The following ADAM29 variants were observed in gnomAD, a reference collection of about 807,000 sequenced individuals.
The protein encoded by ADAM29 is disintegrin and metalloproteinase domain-containing protein 29.
For missense variants in ADAM29, 969 were observed against 1,001.8 expected (o/e 0.97, Z 0.44); for synonymous variants, 367 against 342.3 (o/e 1.07, Z -0.80).
At chr4:174,953,867 G>A (rs981228661) in intron 4 of ADAM29, among the ~76,000 whole-genome samples, 13 of 152,136 alleles carry the variant, frequency 8.5e-5, no homozygotes, top group African/African-American at 3.1e-4. Context: ...GCACCACCAT[G>A]CCCAGCTAAT....
intron 2 of ADAM29, among the ~76,000 whole-genome samples, chr4:174,927,354 A>G (rs1041417874): frequency 6.6e-6 from 1 of 152,178 alleles, no homozygotes; most frequent in Non-Finnish European, 1.5e-5. Flanking sequence ...ATTACTTTCA[A>G]TGGTAAAAAC....
intron 4 of ADAM29, among the ~76,000 whole-genome samples, chr4:174,960,571 C>G (rs1383062196): frequency 6.6e-6 from 1 of 151,966 alleles, no homozygotes; most frequent in Non-Finnish European, 1.5e-5. Context: ...GAGAAGGGAC[C>G]TAAGAATATT....
chr4:174,973,500 T>C (rs1157966020), intron 4 of ADAM29, among the ~76,000 whole-genome samples: 3 of 152,194 alleles, frequency 2.0e-5, no homozygotes, highest in African/African-American at 7.2e-5. Flanking sequence ...TGAAATATGT[T>C]CTGGGGAGTA....
At chr4:174,924,607 A>G (rs1743387578) in intron 2 of ADAM29, among the ~76,000 whole-genome samples, 1 of 152,252 alleles carries the variant, frequency 6.6e-6, no homozygotes, top group Admixed American at 6.5e-5. Context: ...ACATATCAAT[A>G]CAATGGATAC....
intron 2 of ADAM29, among the ~76,000 whole-genome samples, chr4:174,927,499 G>A (rs536947081): frequency 5.9e-5 from 9 of 152,128 alleles, no homozygotes; most frequent in East Asian, 3.9e-4. Context: ...TTTTCACCAC[G>A]TCAATTCTGT....
intron 4 of ADAM29, among the ~76,000 whole-genome samples, chr4:174,937,752 C>T (rs551379742): frequency 4.1e-4 from 62 of 152,106 alleles, no homozygotes; most frequent in African/African-American, 1.4e-3. Flanking sequence ...CGGATTGAAG[C>T]AGTTGCTATT....
At chr4:174,945,808 G>A (rs180760297) in intron 4 of ADAM29, among the ~76,000 whole-genome samples, 1 of 152,146 alleles carries the variant, frequency 6.6e-6, no homozygotes, top group African/African-American at 2.4e-5. Flanking sequence ...TTCTACATGT[G>A]TGGCTTTATT....
chr4:174,948,948 C>T (rs1000970100), intron 4 of ADAM29, among the ~76,000 whole-genome samples: 5 of 152,032 alleles, frequency 3.3e-5, no homozygotes, highest in South Asian at 2.1e-4. Flanking sequence ...GTAAGGGGGC[C>T]GTGAGTGAGT....
Position 174,976,930 on chromosome 4 carries a change from A to G in ADAM29, c.1405A>G (p.Asn469Asp). 1 of 1,614,134 alleles carries G rather than the reference A, an allele frequency of 6.2e-7. No individual in the cohort carries two copies. Among genetic ancestry groups the G allele is most frequent in the Non-Finnish European group, 8.5e-7 (1 of 1,180,014 alleles). ...VNECDLPEWCNGTSHKCPDDF... is the reference protein window; with the variant it reads ...VNECDLPEWCDGTSHKCPDDF... ...TGAATGTGATCTTCCAGAGTGGTGCAATGGTACTTCCCATAAGTGCCCAGA... is the reference window on the plus strand; with the variant it reads ...TGAATGTGATCTTCCAGAGTGGTGCGATGGTACTTCCCATAAGTGCCCAGA... Residue 469 changes from asparagine (N) to aspartate (D), a missense_variant, in exon 5 of 5, where the codon AAT becomes GAT. By Grantham distance (23) the Asn-to-Asp change is conservative. Coordinates refer to ENST00000359240, the MANE Select transcript of ADAM29 (RefSeq NM_014269.4).
At chr4:174,921,843 A>G (rs1443119792) in intron 2 of ADAM29, among the ~76,000 whole-genome samples, 1 of 152,184 alleles carries the variant, frequency 6.6e-6, no homozygotes, top group Non-Finnish European at 1.5e-5. Flanking sequence ...GTTAAATTTC[A>G]AAATTTCTTC....
chr4:174,953,624 A>G (rs1745316563), intron 4 of ADAM29, among the ~76,000 whole-genome samples: 1 of 152,220 alleles, frequency 6.6e-6, no homozygotes, highest in East Asian at 1.9e-4. Context: ...ATTACTTAGA[A>G]TATATTTTAA....
At chr4:174,956,527 AAAAG>A (rs1463535736) in intron 4 of ADAM29, among the ~76,000 whole-genome samples, 1 of 151,316 alleles carries the variant, frequency 6.6e-6, no homozygotes. Flanking sequence ...AGAGAGAAAA[AAAAG>A]AGAGAGAATA....
At chr4:174,923,456 G>A (rs949113242) in intron 2 of ADAM29, among the ~76,000 whole-genome samples, 3 of 146,766 alleles carry the variant, frequency 2.0e-5, no homozygotes, top group Admixed American at 7.0e-5. Context: ...TGTTTCTTCA[G>A]ATCAATGTCT....
intron 2 of ADAM29, among the ~76,000 whole-genome samples, chr4:174,924,836 T>G (rs932299914): frequency 2.6e-5 from 4 of 152,164 alleles, no homozygotes; most frequent in African/African-American, 9.7e-5. Context: ...ATGTGGGCTA[T>G]GCAAGTTGAC....
intron 3 of ADAM29, among the ~76,000 whole-genome samples, chr4:174,933,923 G>A (rs761243063): frequency 2.6e-5 from 4 of 152,086 alleles, no homozygotes; most frequent in East Asian, 1.9e-4. Context: ...TGTGAATAGC[G>A]CTGCAATGAA....
intron 4 of ADAM29, among the ~76,000 whole-genome samples, chr4:174,945,174 A>C (rs563907811): frequency 4.0e-5 from 6 of 151,754 alleles, no homozygotes; most frequent in African/African-American, 9.7e-5. Context: ...TATTATTATT[A>C]TTTTACTTTT....
At chr4:174,952,465 T>C (rs1228492595) in intron 4 of ADAM29, among the ~76,000 whole-genome samples, 1 of 152,194 alleles carries the variant, frequency 6.6e-6, no homozygotes, top group East Asian at 1.9e-4. Flanking sequence ...CATGAGAATA[T>C]GTTTGAAACA....
rs1746839269 is a variant in ADAM29, at chr4:174,976,767, A to C, written c.1242A>C (p.Gly414=). 1.2e-6 allele frequency: 2 copies of C among 1,613,978 alleles called. No individual in the cohort carries two copies. Among genetic ancestry groups the C allele is most frequent in the African/African-American group, 2.7e-5 (2 of 74,924 alleles). Residue 414 remains glycine, a synonymous_variant, in exon 5 of 5, where the codon GGA becomes GGC. Coordinates refer to ENST00000359240, the MANE Select transcript of ADAM29 (RefSeq NM_014269.4). ...AAGAAGGAGAAGAGTGTGACTGTGG[A>C]CCTTTAAAGCATTGTGCAAAAGATC... ...VVEEGEECDC[G]PLKHCAKDPC... is the part of the protein sequence containing the mutation.
intron 4 of ADAM29, among the ~76,000 whole-genome samples, chr4:174,944,170 A>T (rs1744705189): frequency 6.6e-6 from 1 of 152,112 alleles, no homozygotes; most frequent in Non-Finnish European, 1.5e-5. Flanking sequence ...AAAATACCAC[A>T]TAGAAATCAT....
Sources: allele counts gnomAD v4.1 joint callset (sites outside exome capture counted in the v4.1 genomes callset), GRCh38; gene constraint gnomAD v4.1.1; transcripts MANE v1.5; gene names NCBI Gene and HGNC (gene_info 2026-07-23, HGNC 2026-07-21).